SENP7: variants seen among roughly 807,000 people sequenced by gnomAD.
The protein encoded by SENP7 is SUMO specific peptidase 7.
SENP7 carries 64 observed loss-of-function variants against 141.2 expected under a neutral mutation model. The observed-to-expected ratio is 0.45, with a 90% CI of 0.37 to 0.56. The LOEUF (loss-of-function observed/expected upper bound fraction) is 0.56. Among genes scored for constraint, SENP7 ranks in the 20% least tolerant of loss-of-function variants. The pLI is 0.00. For missense variants in SENP7, 1,025 were observed against 1,212.2 expected, an observed-to-expected ratio of 0.85 and a Z score of 2.29; for synonymous variants, 382 against 426.4, an observed-to-expected ratio of 0.90 and a Z score of 1.28.
intron 9 of SENP7, among the ~76,000 whole-genome samples, chr3:101,365,634 C>CAAAAAAAAAAAAAAAAAAAAAA (rs1010380283): frequency 3.2e-5 from 2 of 62,134 alleles, no homozygotes; most frequent in Non-Finnish European, 6.2e-5. Context: ...GACTCTGTCT[C>CAAAAAAAAAAAAAAAAAAAAAA]AAAAAAAAAA....
intron 11 of SENP7, chr3:101,358,126 C>G (rs2059793357): frequency 1.9e-6 from 1 of 515,412 alleles, no homozygotes; most frequent in African/African-American, 2.0e-5. Flanking sequence ...AACTGTTCCT[C>G]AAACCCTACT....
At chr3:101,398,086 A>T (rs947248867) in intron 6 of SENP7, among the ~76,000 whole-genome samples, 2 of 152,230 alleles carry the variant, frequency 1.3e-5, no homozygotes, top group Admixed American at 1.3e-4. Context: ...CATTTTTTTA[A>T]GGAATGTGTT....
chr3:101,497,889 A>ACTCCC (rs1391408261), intron 2 of SENP7, among the ~76,000 whole-genome samples: 1 of 152,102 alleles, frequency 6.6e-6, no homozygotes, highest in East Asian at 1.9e-4. Flanking sequence ...CACAGCCTCA[A>ACTCCC]CTCCCCTGGC....
chr3:101,352,519 T>C (rs538573799), intron 11 of SENP7, among the ~76,000 whole-genome samples: 1 of 152,138 alleles, frequency 6.6e-6, no homozygotes, highest in South Asian at 2.1e-4. Context: ...GTACCTTTTG[T>C]ATATATCTGA....
At chr3:101,500,120 C>G (rs767680602) in intron 2 of SENP7, among the ~76,000 whole-genome samples, 1 of 152,160 alleles carries the variant, frequency 6.6e-6, no homozygotes, top group African/African-American at 2.4e-5. Flanking sequence ...TTGTTAAATG[C>G]TATAACTATA....
chr3:101,324,910 T>A lies in SENP7; in HGVS notation c.*1033A>T, dbSNP rs1208576422. The A allele has an allele frequency of 1.3e-5, 2 of 152,058 alleles. No individual in the cohort carries two copies. The highest frequency in any genetic ancestry group is 2.9e-5 in the Non-Finnish European group (2 of 67,990). The allele number at this position is 152,058 out of a possible 1,614,324, so 9.4% of individuals were successfully genotyped here. On this transcript the variant is annotated 3_prime_UTR_variant, in exon 24 of 24. Coordinates refer to ENST00000394095, the MANE Select transcript of SENP7 (RefSeq NM_020654.5). ...TGAATTCAGAACTGTTACCTGAATA[T>A]TTAATAAAAAATTAAGTTCCATGAG...
intron 2 of SENP7, among the ~76,000 whole-genome samples, chr3:101,494,378 A>T (rs565352639): frequency 1.3e-5 from 2 of 152,158 alleles, no homozygotes; most frequent in Non-Finnish European, 2.9e-5. Context: ...CTTTCACATC[A>T]CATCACTACA....
chr3:101,378,753 T>C (rs1034292277), intron 6 of SENP7, among the ~76,000 whole-genome samples: 1 of 151,986 alleles, frequency 6.6e-6, no homozygotes, highest in Non-Finnish European at 1.5e-5. Context: ...CCTAGGCATA[T>C]CATATTAAAC....
rs776999453 is a variant in SENP7 at position 101,328,588 on chromosome 3, A to G, written c.2796-42T>C. ...ACAAAATCAAGATTTACATACTTGT[A>G]TACAAAGTATATCTAAATACCTCAA... is the stretch of plus-strand genomic sequence containing the variant. On this transcript the variant is annotated intron_variant, in intron 21 of 23. Coordinates refer to ENST00000394095, the MANE Select transcript of SENP7 (RefSeq NM_020654.5). 2.7e-5 allele frequency: 43 copies of G among 1,600,058 alleles called. No homozygotes were observed. The Admixed American group carries it at 6.9e-4, about 25-fold the overall frequency.
intron 20 of SENP7, among the ~76,000 whole-genome samples, chr3:101,329,150 A>G (rs1207307700): frequency 3.9e-5 from 6 of 152,170 alleles, no homozygotes; most frequent in African/African-American, 1.4e-4. Context: ...AGTTTGAGAA[A>G]CTACAGATCA....
Position 101,364,818 on chromosome 3 carries a change from G to A in SENP7, c.1476+16C>T. The A allele has an allele frequency of 6.6e-7, 1 of 1,517,870 alleles. No homozygotes were observed. Among genetic ancestry groups the A allele is most frequent in the Non-Finnish European group, 9.0e-7 (1 of 1,114,300 alleles). 94.0% of individuals were successfully genotyped at this position (1,517,870 alleles called of 1,614,324 possible). A position where few individuals can be genotyped will look rare whatever the true frequency, so the allele number is the denominator to read the frequency against. Reference sequence around the variant, plus strand: ...ACATTTCATTGTTAATCTATGAGAAGACAGAAATAAATTACCTGTACAGAT... The same window carrying A: ...ACATTTCATTGTTAATCTATGAGAAAACAGAAATAAATTACCTGTACAGAT... On this transcript the variant is annotated intron_variant, in intron 10 of 23. Coordinates refer to ENST00000394095, the MANE Select transcript of SENP7 (RefSeq NM_020654.5).
intron 3 of SENP7, among the ~76,000 whole-genome samples, chr3:101,493,182 C>G (rs552180967): frequency 1.3e-5 from 2 of 152,218 alleles, no homozygotes; most frequent in African/African-American, 4.8e-5. Flanking sequence ...TCAGTGAGAG[C>G]TGAATGATCA....
Position 101,337,509 on chromosome 3 carries a change from G to A in SENP7, c.2480C>T (p.Ser827Leu), listed in dbSNP as rs747057180. 10 of 1,516,478 alleles carry A rather than the reference G, an allele frequency of 6.6e-6. No homozygotes were observed. Among genetic ancestry groups the A allele is most frequent in the Admixed American group, 1.8e-5 (1 of 55,298 alleles). 93.9% of individuals were successfully genotyped at this position (1,516,478 alleles called of 1,614,324 possible). The stretch of plus-strand genomic sequence containing the variant: ...TAAGTACATTAGAGGATTAACTTAC[G>A]AAAGATTTGGATTATCTTCTGTTAA... ...NNLTEDNPNL[S>L]MAQRRHKRVR... is the part of the protein sequence containing the mutation. Residue 827 changes from serine to leucine, a missense_variant and splice_region_variant, in exon 17 of 24, where the codon TCA becomes TTA. Ser to Leu is a moderately radical substitution (Grantham distance 145). Transcript: ENST00000394095.
intron 11 of SENP7, among the ~76,000 whole-genome samples, chr3:101,355,619 T>C (rs1201679309): frequency 2.0e-5 from 3 of 152,224 alleles, no homozygotes; most frequent in Admixed American, 1.3e-4. Context: ...TATAGCTCTA[T>C]AGCACAGTTT....
At chr3:101,473,765 T>G (rs1380690686) in intron 3 of SENP7, among the ~76,000 whole-genome samples, 1 of 152,210 alleles carries the variant, frequency 6.6e-6, no homozygotes, top group African/African-American at 2.4e-5. Flanking sequence ...AATTTTTGCT[T>G]TTGTCCCAAT....
At chr3:101,404,726 T>C (rs773261461) in intron 5 of SENP7, among the ~76,000 whole-genome samples, 2 of 151,862 alleles carry the variant, frequency 1.3e-5, no homozygotes, top group Non-Finnish European at 2.9e-5. Flanking sequence ...CAAATTAACA[T>C]GAAAAAAAGC....
chr3:101,513,212 GGAAAAAA>G (rs2065941862), upstream of SENP7: 256 of 135,932 alleles, frequency 1.9e-3, 4 homozygotes, highest in South Asian at 3.4e-3. Flanking sequence ...GGAGGGGAAA[GGAAAAAA>G]AAAAAAAAAA....
intron 3 of SENP7, among the ~76,000 whole-genome samples, chr3:101,487,812 G>T (rs951156082): frequency 6.6e-6 from 1 of 152,112 alleles, no homozygotes; most frequent in African/African-American, 2.4e-5. Context: ...CTTTTCCATT[G>T]CTCTATGTGT....
At chr3:101,344,074 A>T (rs1452730332) in intron 13 of SENP7, 120 bp from the exon 14 acceptor site, 3 of 754,690 alleles carry the variant, frequency 4.0e-6, no homozygotes, top group African/African-American at 1.8e-5. Flanking sequence ...TTTGTATTTT[A>T]GGTAATAACC....
Sources: gnomAD v4.1 joint callset for allele counts (sites outside exome capture counted in the v4.1 genomes callset) on GRCh38, gnomAD v4.1.1 for gene constraint, MANE v1.5 for transcripts, NCBI Gene and HGNC (gene_info 2026-07-23, HGNC 2026-07-21) for gene names.